The following NEGR1 variants were observed in gnomAD, a reference collection of about 807,000 sequenced individuals.
The protein encoded by NEGR1 is neuronal growth regulator 1, also known as IgLON family member 4.
Under a neutral mutation model 40.9 loss-of-function variants are expected in NEGR1, and 10 were observed. The observed-to-expected ratio is 0.24, with a 90% confidence interval of 0.15 to 0.42. The LOEUF (loss-of-function observed/expected upper bound fraction) is 0.42, where lower values mean the gene tolerates loss of function less well. NEGR1 is among the 10% of genes least tolerant of loss of function. The pLI, the probability that NEGR1 is intolerant of heterozygous loss-of-function variation, is 1.00. For synonymous variants in NEGR1, 185 were observed against 166.8 expected, an observed-to-expected ratio of 1.11 and a Z score of -0.84; for missense variants, 352 against 438.9, an observed-to-expected ratio of 0.80 and a Z score of 1.77.
intron 1 of NEGR1, among the ~76,000 whole-genome samples, chr1:72,257,648 C>G (rs558526401): frequency 2.6e-5 from 4 of 152,236 alleles, no homozygotes; most frequent in African/African-American, 9.6e-5. Context: ...AACTTAATGA[C>G]CACCTCTACC....
At chr1:72,220,341 G>A (rs144584030) in intron 1 of NEGR1, among the ~76,000 whole-genome samples, 1 of 151,996 alleles carries the variant, frequency 6.6e-6, no homozygotes, top group African/African-American at 2.4e-5. Context: ...GTAAAACTAA[G>A]TTTTACTGAA....
At chr1:71,565,561 G>A (rs541600975) in intron 6 of NEGR1, among the ~76,000 whole-genome samples, 52 of 152,272 alleles carry the variant, frequency 3.4e-4, no homozygotes, top group Admixed American at 1.8e-3. Context: ...ATAGGACAGA[G>A]CAACAAGTAT....
intron 3 of NEGR1, among the ~76,000 whole-genome samples, chr1:71,728,376 G>A (rs1372579393): frequency 6.6e-6 from 1 of 152,068 alleles, no homozygotes; most frequent in Admixed American, 6.6e-5. Flanking sequence ...CTAGAAGCAG[G>A]ACCTTCCTTG....
intron 6 of NEGR1, among the ~76,000 whole-genome samples, chr1:71,478,887 C>A (rs962339335): frequency 1.7e-4 from 26 of 152,048 alleles, no homozygotes; most frequent in Middle Eastern, 3.4e-3. Context: ...TTCAGTGACA[C>A]ATAGAGTGAC....
intron 1 of NEGR1, among the ~76,000 whole-genome samples, chr1:72,233,789 G>C (rs1035547811): frequency 4.6e-5 from 7 of 151,890 alleles, no homozygotes; most frequent in Non-Finnish European, 1.0e-4. Flanking sequence ...GAATGATTTA[G>C]TTCCCTTTGG....
chr1:71,822,103 G>A (rs1438680724), intron 2 of NEGR1, among the ~76,000 whole-genome samples: 1 of 151,906 alleles, frequency 6.6e-6, no homozygotes, highest in Non-Finnish European at 1.5e-5. Flanking sequence ...AGACAGTAGT[G>A]AGGGAAAATT....
chr1:71,428,612 G>A (rs896492634), intron 6 of NEGR1, among the ~76,000 whole-genome samples: 2 of 150,340 alleles, frequency 1.3e-5, no homozygotes, highest in Non-Finnish European at 3.0e-5. Flanking sequence ...GTTTAAGTAT[G>A]TTTTAAAAAC....
At chr1:72,219,064 A>C (rs1349734704) in intron 1 of NEGR1, among the ~76,000 whole-genome samples, 1 of 152,026 alleles carries the variant, frequency 6.6e-6, no homozygotes, top group East Asian at 1.9e-4. Context: ...TTTCTAATAC[A>C]GTATCCATCA....
intron 2 of NEGR1, among the ~76,000 whole-genome samples, chr1:71,813,360 T>C (rs533596574): frequency 6.6e-6 from 1 of 152,184 alleles, no homozygotes; most frequent in Non-Finnish European, 1.5e-5. Flanking sequence ...TGAAGTCAAA[T>C]AGCATGATGC....
At chr1:71,631,836 C>T (rs1180942064) in intron 4 of NEGR1, among the ~76,000 whole-genome samples, 1 of 151,662 alleles carries the variant, frequency 6.6e-6, no homozygotes, top group Admixed American at 6.6e-5. Context: ...CAAGAATTAA[C>T]AAGAAAGATT....
At chr1:71,816,882 T>A (rs551450881) in intron 2 of NEGR1, among the ~76,000 whole-genome samples, 1 of 151,828 alleles carries the variant, frequency 6.6e-6, no homozygotes, top group Non-Finnish European at 1.5e-5. Context: ...TCAAAAACTT[T>A]CCCCCTAATA....
intron 2 of NEGR1, among the ~76,000 whole-genome samples, chr1:71,815,603 A>G (rs888995802): frequency 1.3e-5 from 2 of 152,136 alleles, no homozygotes; most frequent in African/African-American, 4.8e-5. Flanking sequence ...TATTGAGTGC[A>G]TATATATTTA....
At chr1:71,818,208 C>T (rs568518844) in intron 2 of NEGR1, among the ~76,000 whole-genome samples, 4 of 152,110 alleles carry the variant, frequency 2.6e-5, no homozygotes, top group African/African-American at 9.6e-5. Flanking sequence ...GAATATAAAT[C>T]ATTCTACCAT....
intron 6 of NEGR1, among the ~76,000 whole-genome samples, chr1:71,458,737 C>T (rs1260894158): frequency 6.6e-6 from 1 of 152,194 alleles, no homozygotes; most frequent in Non-Finnish European, 1.5e-5. Flanking sequence ...CATGGTAACA[C>T]AGGACATATA....
chr1:72,201,052 G>A (rs1653186857), intron 1 of NEGR1, among the ~76,000 whole-genome samples: 1 of 151,626 alleles, frequency 6.6e-6, no homozygotes, highest in African/African-American at 2.4e-5. Context: ...GGGTAATGTA[G>A]ACTCTACTCA....
chr1:71,919,167 G>T (rs1374524382), intron 2 of NEGR1, among the ~76,000 whole-genome samples: 1 of 152,134 alleles, frequency 6.6e-6, no homozygotes, highest in Admixed American at 6.5e-5. Context: ...TAATTTTCCA[G>T]CTGGATTCTC....
At chr1:71,592,781 C>G in intron 6 of NEGR1, 36 bp downstream of exon 6, 3 of 1,572,418 alleles carry the variant, frequency 1.9e-6, no homozygotes, top group Non-Finnish European at 2.6e-6. Flanking sequence ...GGCCCAGAGG[C>G]CCCTGGAAGC....
intron 1 of NEGR1, among the ~76,000 whole-genome samples, chr1:72,120,820 C>T (rs575440792): frequency 6.6e-6 from 1 of 151,956 alleles, no homozygotes; most frequent in East Asian, 1.9e-4. Context: ...CATTGTTTTG[C>T]TTATGGTTTG....
intron 2 of NEGR1, among the ~76,000 whole-genome samples, chr1:71,868,227 G>T (rs1660172644): frequency 6.6e-6 from 1 of 151,952 alleles, no homozygotes; most frequent in Non-Finnish European, 1.5e-5. Context: ...TATTCTCATG[G>T]CAATAACTGA....
Sources: allele counts gnomAD v4.1 joint callset (sites outside exome capture counted in the v4.1 genomes callset), GRCh38; gene constraint gnomAD v4.1.1; transcripts MANE v1.5; gene names NCBI Gene and HGNC (gene_info 2026-07-23, HGNC 2026-07-21).